The following ZFP14 variants were observed in gnomAD, a reference collection of about 807,000 sequenced individuals.
The protein encoded by ZFP14 is zinc finger protein 14 homolog.
ZFP14 carries 22 observed loss-of-function variants against 54.5 expected under a neutral mutation model. The observed-to-expected ratio is 0.40, with a 90% CI of 0.29 to 0.58. ZFP14 has a LOEUF of 0.58. Ranked by LOEUF, ZFP14 falls within the 20% of genes least tolerant of loss-of-function variation. The pLI, the probability that ZFP14 is intolerant of heterozygous loss-of-function variation, is 0.39. For missense variants in ZFP14, 470 were observed against 637.8 expected, an observed-to-expected ratio of 0.74 and a Z score of 2.83; for synonymous variants, 159 against 204.0, an observed-to-expected ratio of 0.78 and a Z score of 1.88.
At chr19:36,348,325 A>T (rs1262896750) in intron 4 of ZFP14, among the ~76,000 whole-genome samples, 1 of 152,172 alleles carries the variant, frequency 6.6e-6, no homozygotes, top group Non-Finnish European at 1.5e-5. Context: ...TCAAGCCACA[A>T]ATATACAAAT....
chr19:36,344,653 C>T (rs557850034), intron 4 of ZFP14, among the ~76,000 whole-genome samples: 3 of 152,192 alleles, frequency 2.0e-5, no homozygotes, highest in African/African-American at 2.4e-5. Context: ...CGAGCATGAC[C>T]GCCTGAGCTC....
rs541589017 is a variant in ZFP14, at chr19:36,350,344, T to C, written c.236-8754A>G. On this transcript the variant is annotated intron_variant, in intron 4 of 4. Transcript: ENST00000270001. ...AGCTGAGCCTAGTGACTCAGGCCTG[T>C]AATCTCAACAATTTGGGAAGCCAAG... Among the ~76,000 whole-genome samples, 7 of 142,060 alleles carry C rather than the reference T, an allele frequency of 4.9e-5. 1 individual carries two copies. The South Asian group carries it at 1.6e-3, about 32-fold the overall frequency. 93.2% of individuals were successfully genotyped at this position (142,060 alleles called of 152,430 possible).
At chr19:36,365,103 A>T (rs188311029) in intron 2 of ZFP14, among the ~76,000 whole-genome samples, 1 of 133,766 alleles carries the variant, frequency 7.5e-6, no homozygotes, top group East Asian at 2.1e-4. Flanking sequence ...GCAACATTGA[A>T]TTCCTGGCCT....
rs1004907060 is a variant in ZFP14, at chr19:36,340,000, T to C, written c.*224A>G. 4 of 412,754 alleles carry C rather than the reference T, an allele frequency of 9.7e-6. No homozygotes were observed. The highest frequency in any genetic ancestry group is 8.0e-5 in the Admixed American group (2 of 24,954). The allele number at this position is 412,754 out of a possible 1,614,324, so 25.6% of individuals were successfully genotyped here. On this transcript the variant is annotated 3_prime_UTR_variant, in exon 5 of 5. Coordinates refer to ENST00000270001, the MANE Select transcript of ZFP14 (RefSeq NM_020917.3). ...TAATCAAGTGGAGAAAGGGAGATAA[T>C]GACAGATAAGGCTAAAGATTTTCCT...
rs142789061 is a variant in ZFP14, at chr19:36,357,779, G to C, written c.235+2656C>G. On this transcript the variant is annotated intron_variant, in intron 4 of 4. Coordinates refer to ENST00000270001, the MANE Select transcript of ZFP14 (RefSeq NM_020917.3). ...TTTTTTGAGATAAGAGTCTCACTCT[G>C]TCACCCAGGGTGGAGTGCAGTGGTG... Among the ~76,000 whole-genome samples, 775 of 151,396 alleles carry C rather than the reference G, an allele frequency of 5.1e-3. 6 individuals are homozygous for C. The highest frequency in any genetic ancestry group is 0.018 in the African/African-American group (742 of 41,188).
chr19:36,357,293 T>C (rs531658920), intron 4 of ZFP14, among the ~76,000 whole-genome samples: 22 of 152,340 alleles, frequency 1.4e-4, no homozygotes, highest in African/African-American at 5.0e-4. Context: ...TCTGCCCGCC[T>C]TGGCCTCCCA....
At chr19:36,356,636 A>T (rs10425127) in intron 4 of ZFP14, among the ~76,000 whole-genome samples, 3,478 of 151,980 alleles carry the variant, frequency 0.023, 94 homozygotes, top group African/African-American at 0.078. Flanking sequence ...AACCCGAACC[A>T]TCCTCTACGC....
rs148376485 is a variant in ZFP14 at position 36,338,808 on chromosome 19, T to C, written c.*1416A>G. On this transcript the variant is annotated 3_prime_UTR_variant, in exon 5 of 5. Transcript: ENST00000270001. ...GAGCATCCAAAAGTATACTGACTTA[T>C]AGAATGATGTTTTGTTTCTTTCCCA... The C allele has an allele frequency of 9.2e-5, 14 of 152,318 alleles. No individual in the cohort carries two copies. Among genetic ancestry groups the C allele is most frequent in the Non-Finnish European group, 1.8e-4 (12 of 68,020 alleles). The allele number at this position is 152,318 out of a possible 1,614,324, so 9.4% of individuals were successfully genotyped here. A position where few individuals can be genotyped will look rare whatever the true frequency, so the allele number is the denominator to read the frequency against.
At chr19:36,367,128 T>C (rs1396216369) in intron 2 of ZFP14, among the ~76,000 whole-genome samples, 1 of 150,974 alleles carries the variant, frequency 6.6e-6, no homozygotes, top group Non-Finnish European at 1.5e-5. Flanking sequence ...CACTCCAGCC[T>C]GGGTGATAAG....
Position 36,341,711 on chromosome 19 carries a change from A to G in ZFP14, c.236-121T>C, listed in dbSNP as rs757177655. 180 of 922,308 alleles carry G rather than the reference A, an allele frequency of 2.0e-4. No individual in the cohort carries two copies. Among genetic ancestry groups the G allele is most frequent in the Admixed American group, 3.9e-4 (12 of 30,844 alleles). 57.1% of individuals were successfully genotyped at this position (922,308 alleles called of 1,614,324 possible). On this transcript the variant is annotated intron_variant, in intron 4 of 4. Transcript: ENST00000270001. This position sits in a 1 kb window ranked among gnomAD's most constrained non-coding sequence, Gnocchi z 4.2. ...CTAAAATAATGCCTGTTACAAATTG[A>G]ATGGATTAGACAGATCTCAAACATA...
intron 1 of ZFP14, among the ~76,000 whole-genome samples, chr19:36,368,282 A>G (rs1423226310): frequency 2.0e-5 from 3 of 152,204 alleles, no homozygotes; most frequent in Non-Finnish European, 4.4e-5. Context: ...CAGCCTGACC[A>G]ACATGCAGAA....
chr19:36,378,872 G>A (rs952329010), intron 1 of ZFP14: 5 of 152,302 alleles, frequency 3.3e-5, no homozygotes, highest in African/African-American at 9.6e-5. Context: ...GTTCCCCGCA[G>A]TTTCCATGGG....
intron 2 of ZFP14, among the ~76,000 whole-genome samples, chr19:36,363,202 T>C (rs2031738473): frequency 7.0e-6 from 1 of 143,062 alleles, no homozygotes; most frequent in African/African-American, 2.6e-5. Context: ...TTTTTTTTTT[T>C]TTTTTTTTTG....
At chr19:36,350,238 C>T (rs1428390089) in intron 4 of ZFP14, among the ~76,000 whole-genome samples, 2 of 141,926 alleles carry the variant, frequency 1.4e-5, no homozygotes, top group Non-Finnish European at 3.1e-5. Flanking sequence ...AAATGAGAAA[C>T]AAACACTATC....
intron 4 of ZFP14, among the ~76,000 whole-genome samples, chr19:36,357,065 C>T (rs2031625758): frequency 6.6e-6 from 1 of 152,118 alleles, no homozygotes. Context: ...TATTTTGAGA[C>T]AGAGTCCCAC....
rs180976627 is a variant in ZFP14, at chr19:36,372,955, C to T, written c.-79-4984G>A. ...GCCAGAAACAGAAAGATAAACACCA[C>T]GTGATCTCATTCATAAGTGGAATCT... On this transcript the variant is annotated intron_variant, in intron 1 of 4. Coordinates refer to ENST00000270001, the MANE Select transcript of ZFP14 (RefSeq NM_020917.3). Among the ~76,000 whole-genome samples the T allele has an allele frequency of 4.0e-4, 61 of 152,236 alleles. 1 individual carries two copies. The highest frequency in any genetic ancestry group is 3.4e-3 in the Middle Eastern group (1 of 294).
At chr19:36,361,144 A>G (rs1312680314) in intron 3 of ZFP14, among the ~76,000 whole-genome samples, 1 of 152,182 alleles carries the variant, frequency 6.6e-6, no homozygotes, top group Admixed American at 6.5e-5. Flanking sequence ...TTTCTAGGAT[A>G]TTCATTCAAT....
intron 2 of ZFP14, among the ~76,000 whole-genome samples, chr19:36,366,886 G>A (rs2031802984): frequency 6.6e-6 from 1 of 152,066 alleles, no homozygotes; most frequent in South Asian, 2.1e-4. Flanking sequence ...AGGTGCAGTG[G>A]CTCATACCTG....
At chr19:36,363,662 C>T (rs1362431633) in intron 2 of ZFP14, among the ~76,000 whole-genome samples, 1 of 151,980 alleles carries the variant, frequency 6.6e-6, no homozygotes, top group African/African-American at 2.4e-5. Context: ...ATGCACGGGA[C>T]GGCCCCCTAC....
Sources: gnomAD v4.1 joint callset for allele counts (sites outside exome capture counted in the v4.1 genomes callset) on GRCh38, gnomAD v4.1.1 for gene constraint, Gnocchi (gnomAD v3.1) non-coding constraint, MANE v1.5 for transcripts, NCBI Gene and HGNC (gene_info 2026-07-23, HGNC 2026-07-21) for gene names.